The following SRBD1 variants were observed in gnomAD, a reference collection of about 807,000 sequenced individuals.
SRBD1 encodes S1 RNA-binding domain-containing protein 1.
In SRBD1, 88 loss-of-function variants were observed where a neutral mutation model predicts 115.3. The ratio of observed to expected loss-of-function variants is 0.76; its 90% confidence interval spans 0.64 to 0.91. The LOEUF (loss-of-function observed/expected upper bound fraction) is 0.91, where lower values mean the gene tolerates loss of function less well. Among genes scored for constraint, SRBD1 ranks in the 40% least tolerant of loss-of-function variants. The pLI is 0.00. For missense variants in SRBD1, 1,385 were observed against 1,177.4 expected, an observed-to-expected ratio of 1.18 and a Z score of -2.58; for synonymous variants, 509 against 407.7, an observed-to-expected ratio of 1.25 and a Z score of -2.99.
At chr2:45,594,408 A>C (rs910619439) in intron 4 of SRBD1, among the ~76,000 whole-genome samples, 13 of 152,226 alleles carry the variant, frequency 8.5e-5, no homozygotes, top group African/African-American at 2.2e-4. Flanking sequence ...ACTGGACAAC[A>C]ACCACCTTTG....
intron 16 of SRBD1, among the ~76,000 whole-genome samples, chr2:45,439,376 T>TAA (rs1668593331): frequency 6.7e-6 from 1 of 148,364 alleles, no homozygotes; most frequent in South Asian, 2.1e-4. Context: ...TATATATATA[T>TAA]ATAAAACAAT....
intron 14 of SRBD1, among the ~76,000 whole-genome samples, chr2:45,501,305 A>T (rs1670623008): frequency 6.6e-6 from 1 of 152,216 alleles, no homozygotes; most frequent in Non-Finnish European, 1.5e-5. Context: ...TAGACAAGAT[A>T]TCACTCTGGA....
chr2:45,595,309 C>T (rs1673860381), intron 4 of SRBD1, among the ~76,000 whole-genome samples: 1 of 152,178 alleles, frequency 6.6e-6, no homozygotes, highest in Non-Finnish European at 1.5e-5. Flanking sequence ...TGGCCAAGGC[C>T]ATGGGGAATA....
At chr2:45,607,399 A>G (rs951575647) in intron 1 of SRBD1, among the ~76,000 whole-genome samples, 1 of 152,218 alleles carries the variant, frequency 6.6e-6, no homozygotes, top group Admixed American at 6.5e-5. Context: ...TTATTCCCCA[A>G]TAACTAATAG....
chr2:45,535,670 T>C (rs1671743263), intron 14 of SRBD1, among the ~76,000 whole-genome samples: 1 of 152,062 alleles, frequency 6.6e-6, no homozygotes. Context: ...CTTAATATCT[T>C]ATTTTAATTA....
chr2:45,481,010 C>A (rs1669947005), intron 15 of SRBD1, among the ~76,000 whole-genome samples: 2 of 152,146 alleles, frequency 1.3e-5, no homozygotes, highest in African/African-American at 4.8e-5. Context: ...CCTTTAGTAA[C>A]CACCACTCTG....
Position 45,418,456 on chromosome 2 carries a change from G to C in SRBD1, c.2242C>G (p.Leu748Val). The C allele has an allele frequency of 6.2e-7, 1 of 1,613,868 alleles. No homozygotes were observed. Among genetic ancestry groups the C allele is most frequent in the Non-Finnish European group, 8.5e-7 (1 of 1,179,974 alleles). The change falls in exon 18 of 21, where the codon CTG becomes GTG. Residue 748 changes from leucine (L) to valine (V), a missense_variant. Coordinates refer to ENST00000263736, the MANE Select transcript of SRBD1 (RefSeq NM_018079.5). The part of the protein sequence containing the change: ...KNGPFINREQ[L>V]KKVKGLGPKS... The stretch of plus-strand genomic sequence containing the variant: ...GGGCCCAGCCCTTTCACTTTCTTCA[G>C]CTGTTCTCGGTTGATAAAGGGTCCA...
rs186556735 is a variant in SRBD1 at position 45,479,309 on chromosome 2, G to C, written c.1967-2234C>G. Among the ~76,000 whole-genome samples, 17 of 152,164 alleles carry C rather than the reference G, an allele frequency of 1.1e-4. No individual in the cohort carries two copies. In the East Asian group the frequency reaches 3.3e-3, roughly 29 times the overall value. ...TAAATCAAAAGCTAGAAATAATGAA[G>C]CTTATTCAAAAGACATGTTGAAAGC... is the stretch of plus-strand genomic sequence containing the variant. On this transcript the variant is annotated intron_variant, in intron 15 of 20. Coordinates refer to ENST00000263736, the MANE Select transcript of SRBD1 (RefSeq NM_018079.5).
intron 1 of SRBD1, among the ~76,000 whole-genome samples, chr2:45,610,616 G>T (rs1477526935): frequency 6.6e-6 from 1 of 152,194 alleles, no homozygotes; most frequent in Admixed American, 6.5e-5. Flanking sequence ...AAGTTGCCTA[G>T]AGAGTTCCCA....
At chr2:45,443,270 G>C (rs779562328) in intron 16 of SRBD1, among the ~76,000 whole-genome samples, 2 of 152,196 alleles carry the variant, frequency 1.3e-5, no homozygotes, top group Non-Finnish European at 2.9e-5. Context: ...GGAGGAAAAA[G>C]AGGGAAAGAA....
chr2:45,509,533 T>C (rs943889750), intron 14 of SRBD1, among the ~76,000 whole-genome samples: 4 of 148,318 alleles, frequency 2.7e-5, no homozygotes, highest in African/African-American at 5.0e-5. Flanking sequence ...GAGGCGGAGC[T>C]GGCAGTGAGC....
rs1012986578 is a variant in SRBD1 at position 45,428,698 on chromosome 2, C to T, written c.2050-8804G>A. ...AAAGGAAATTTACAGCACTAAATGC[C>T]CACAGGGGAAAGTGGGAAAGATCTA... On this transcript the variant is annotated intron_variant, in intron 16 of 20. Transcript: ENST00000263736. Among the ~76,000 whole-genome samples the T allele has an allele frequency of 6.6e-5, 10 of 152,008 alleles. No homozygotes were observed. In the East Asian group the frequency reaches 1.9e-3, roughly 29 times the overall value.
intron 19 of SRBD1, among the ~76,000 whole-genome samples, chr2:45,395,257 T>C (rs1572588193): frequency 6.6e-6 from 1 of 152,232 alleles, no homozygotes; most frequent in Non-Finnish European, 1.5e-5. Context: ...TAATGCGCTG[T>C]AAGTCTAGAA....
Position 45,600,068 on chromosome 2 carries a change from G to A in SRBD1, c.262-233C>T, listed in dbSNP as rs1279459024. 3.3e-5 allele frequency among the ~76,000 whole-genome samples: 5 copies of A among 152,182 alleles called. No homozygotes were observed. In the East Asian group the frequency reaches 9.6e-4, roughly 29 times the overall value. ...AGGTTGGCAAGGGTCAGAGATGATG[G>A]GGGGAGGTGGGTGTGGCTATAAAAG... is the stretch of plus-strand genomic sequence containing the variant. On this transcript the variant is annotated intron_variant, in intron 3 of 20. Coordinates refer to ENST00000263736, the MANE Select transcript of SRBD1 (RefSeq NM_018079.5).
At chr2:45,397,156 G>GT (rs1667170082) in intron 19 of SRBD1, among the ~76,000 whole-genome samples, 1 of 152,098 alleles carries the variant, frequency 6.6e-6, no homozygotes, top group Admixed American at 6.6e-5. Flanking sequence ...GTCTTAATCT[G>GT]TAATACAGGT....
intron 15 of SRBD1, among the ~76,000 whole-genome samples, chr2:45,479,434 A>G (rs1276150503): frequency 1.3e-5 from 2 of 152,252 alleles, no homozygotes; most frequent in East Asian, 3.8e-4. Flanking sequence ...TCCAGTGGAC[A>G]CACAAATGAT....
intron 16 of SRBD1, chr2:45,448,009 G>A (rs1668879770): frequency 6.6e-6 from 1 of 152,106 alleles, no homozygotes; most frequent in Non-Finnish European, 1.5e-5. Flanking sequence ...TTTAATGAGA[G>A]TATTAAATAA....
At chr2:45,522,225 C>T (rs1324328000) in intron 14 of SRBD1, among the ~76,000 whole-genome samples, 2 of 151,870 alleles carry the variant, frequency 1.3e-5, no homozygotes, top group Non-Finnish European at 2.9e-5. Context: ...ATTCTGTTGC[C>T]CAGGCTAGAG....
chr2:45,400,019 ACTCTTC>A (rs1205970652), intron 19 of SRBD1, among the ~76,000 whole-genome samples: 2 of 152,096 alleles, frequency 1.3e-5, no homozygotes, highest in Non-Finnish European at 2.9e-5. Context: ...GAGGTAGAGG[ACTCTTC>A]CTTGGGAAAC....
Sources: gnomAD v4.1 joint callset for allele counts (sites outside exome capture counted in the v4.1 genomes callset) on GRCh38, gnomAD v4.1.1 for gene constraint, MANE v1.5 for transcripts, NCBI Gene and HGNC (gene_info 2026-07-23, HGNC 2026-07-21) for gene names.